API5: variants seen among roughly 807,000 people sequenced by gnomAD.
The protein encoded by API5 is apoptosis inhibitor 5, also known as FIF.
A neutral mutation model predicts 71.9 loss-of-function variants in API5; 6 were observed. The ratio of observed to expected loss-of-function variants is 0.08; its 90% CI spans 0.05 to 0.16. API5 has a LOEUF of 0.16. Ranked by LOEUF, API5 falls within the 10% of genes least tolerant of loss-of-function variation. The pLI is 1.00. For synonymous variants in API5, 189 were observed against 221.3 expected, an observed-to-expected ratio of 0.85 and a Z score of 1.30; for missense variants, 332 against 612.8, an observed-to-expected ratio of 0.54 and a Z score of 4.84.
At chr11:43,321,337 A>G (rs5743220) in intron 3 of API5, 74 bp from the exon 4 acceptor site, 118,345 of 1,268,684 alleles carry the variant, frequency 0.093, 7,005 homozygotes, top group Admixed American at 0.28. Context: ...ACTAAGTTGA[A>G]TCAAGTTTGA....
At chr11:43,338,623 T>C (rs1590273846) in intron 13 of API5, among the ~76,000 whole-genome samples, 1 of 105,218 alleles carries the variant, frequency 9.5e-6, no homozygotes, top group South Asian at 2.8e-4. Context: ...CTCTGTACTA[T>C]AGAAATGGCT....
At chr11:43,329,853 C>A in intron 9 of API5, 112 bp from the exon 10 acceptor site, 1 of 784,582 alleles carries the variant, frequency 1.3e-6, no homozygotes, top group Middle Eastern at 3.3e-4. Context: ...CTTTAATTTA[C>A]TGGTCATGTA....
intron 1 of API5, among the ~76,000 whole-genome samples, chr11:43,313,962 G>A (rs1164397614): frequency 6.6e-5 from 10 of 152,010 alleles, no homozygotes; most frequent in South Asian, 2.1e-4. Flanking sequence ...GGTGGCATGC[G>A]CCTGAAGTCC....
chr11:43,312,438 C>T (rs545070244), intron 1 of API5, among the ~76,000 whole-genome samples: 3 of 152,188 alleles, frequency 2.0e-5, no homozygotes, highest in African/African-American at 7.2e-5. Context: ...CTTTTCTCAC[C>T]GTGGCGTAAC....
chr11:43,323,892 A>G (rs1279626743), intron 6 of API5, among the ~76,000 whole-genome samples: 1 of 152,192 alleles, frequency 6.6e-6, no homozygotes, highest in Non-Finnish European at 1.5e-5. Context: ...TGGTGCTCAA[A>G]AAGTTTTGGA....
At chr11:43,316,021 C>T (rs1854656579) in intron 1 of API5, among the ~76,000 whole-genome samples, 1 of 152,148 alleles carries the variant, frequency 6.6e-6, no homozygotes, top group South Asian at 2.1e-4. Flanking sequence ...AATGCTGAAA[C>T]CCTGATTCCT....
chr11:43,329,270 A>T (rs1477565685), intron 9 of API5: 1 of 173,006 alleles, frequency 5.8e-6, no homozygotes, highest in East Asian at 1.5e-4. Context: ...ACTTGAGCCC[A>T]GGAGCTCGAG....
At position 43,322,152 on chromosome 11, in the gene API5, C is replaced by T. The variant is rs772199735; in HGVS notation, c.543+16C>T. The T allele has an allele frequency of 6.3e-7, 1 of 1,578,774 alleles. No homozygotes were observed. Among genetic ancestry groups the T allele is most frequent in the Non-Finnish European group, 8.6e-7 (1 of 1,165,666 alleles). ...ATCCAAAAAGGTGAGCTTTGGTCTT[C>T]ATTTGGTGGAAATTCTCTAAAGCAA... On this transcript the variant is annotated intron_variant, in intron 5 of 13. Coordinates refer to ENST00000531273, the MANE Select transcript of API5 (RefSeq NM_001142930.2).
intron 1 of API5, among the ~76,000 whole-genome samples, chr11:43,314,066 G>A (rs1854587001): frequency 6.6e-6 from 1 of 151,586 alleles, no homozygotes; most frequent in South Asian, 2.1e-4. Flanking sequence ...TCCAGCCTGG[G>A]CAACAGAGCA....
At chr11:43,336,247 A>G (rs1245536586) in intron 13 of API5, 3 of 445,920 alleles carry the variant, frequency 6.7e-6, no homozygotes, top group South Asian at 7.0e-5. Context: ...TTGTATTCAG[A>G]GGAACCAACA....
intron 1 of API5, among the ~76,000 whole-genome samples, chr11:43,312,541 A>G (rs1158602551): frequency 6.6e-6 from 1 of 152,090 alleles, no homozygotes; most frequent in Non-Finnish European, 1.5e-5. Flanking sequence ...GGTGGAGCTC[A>G]GTGCTTCCAA....
intron 10 of API5, 163 bp downstream of exon 10, chr11:43,330,221 C>A: frequency 1.5e-6 from 1 of 656,484 alleles, no homozygotes; most frequent in Non-Finnish European, 2.6e-6. Flanking sequence ...ATAACTTAAA[C>A]TGATTTATTT....
rs574828559 is a variant in API5, at chr11:43,340,960, C to A, written c.1493-1468C>A. On this transcript the variant is annotated intron_variant, in intron 13 of 13. Coordinates refer to ENST00000531273, the MANE Select transcript of API5 (RefSeq NM_001142930.2). Reference sequence around the variant, plus strand: ...ATCAAATTAAAAAGCTTCTGTGCAGCAGAGGAAACCATCAACAGTGAAAAG... The same window carrying A: ...ATCAAATTAAAAAGCTTCTGTGCAGAAGAGGAAACCATCAACAGTGAAAAG... Among the ~76,000 whole-genome samples the A allele has an allele frequency of 2.0e-4, 31 of 152,246 alleles. No individual in the cohort carries two copies. The South Asian group carries it at 6.2e-3, about 31-fold the overall frequency.
At chr11:43,339,847 T>C (rs370808113) in intron 13 of API5, among the ~76,000 whole-genome samples, 28 of 152,344 alleles carry the variant, frequency 1.8e-4, no homozygotes, top group South Asian at 6.2e-4. Flanking sequence ...TGATTATTGA[T>C]AATTTAAGAT....
chr11:43,330,705 A>G (rs1376411201), intron 11 of API5, 141 bp downstream of exon 11: 3 of 666,338 alleles, frequency 4.5e-6, no homozygotes, highest in Non-Finnish European at 7.7e-6. Context: ...ACAGATAGAT[A>G]CAGTCTCAGA....
chr11:43,322,279 G>T, intron 5 of API5, 143 bp downstream of exon 5: 1 of 731,522 alleles, frequency 1.4e-6, no homozygotes, highest in Non-Finnish European at 1.9e-6. Context: ...GAACTTCTAA[G>T]TTTTTCTTAG....
chr11:43,320,542 G>A (rs1854842265), intron 2 of API5, among the ~76,000 whole-genome samples: 1 of 151,906 alleles, frequency 6.6e-6, no homozygotes. Flanking sequence ...CCAGTAGTTC[G>A]AGAACAGCCT....
rs1298360418 is a variant in API5, at chr11:43,342,820, A to C, written c.*310A>C. 1 of 579,508 alleles carries C rather than the reference A, an allele frequency of 1.7e-6. No individual in the cohort carries two copies. The highest frequency in any genetic ancestry group is 1.9e-5 in the African/African-American group (1 of 53,354). 35.9% of individuals were successfully genotyped at this position (579,508 alleles called of 1,614,324 possible). On this transcript the variant is annotated 3_prime_UTR_variant, in exon 14 of 14. Coordinates refer to ENST00000531273, the MANE Select transcript of API5 (RefSeq NM_001142930.2). ...TTGTTGTTGAGAGCTGTTCATTCTA[A>C]AATGTAATGAAATTCAGTCTAGTTC...
intron 6 of API5, among the ~76,000 whole-genome samples, chr11:43,326,205 A>G (rs1855067770): frequency 6.6e-6 from 1 of 152,234 alleles, no homozygotes. Flanking sequence ...TCAGTTGTTC[A>G]GAGATGACTG....
Sources: allele counts gnomAD v4.1 joint callset (sites outside exome capture counted in the v4.1 genomes callset), GRCh38; gene constraint gnomAD v4.1.1; transcripts MANE v1.5; gene names NCBI Gene and HGNC (gene_info 2026-07-23, HGNC 2026-07-21).